Variants in ARHGEF40 observed in about 807,000 individuals in gnomAD.
The protein encoded by ARHGEF40 is Rho guanine nucleotide exchange factor (GEF) 40.
Under a neutral mutation model 165.9 loss-of-function variants are expected in ARHGEF40, and 98 were observed. The observed-to-expected ratio is 0.59, with a 90% CI of 0.50 to 0.70. The LOEUF (loss-of-function observed/expected upper bound fraction) is 0.70, where lower values mean the gene tolerates loss of function less well. Among genes scored for constraint, ARHGEF40 ranks in the 30% least tolerant of loss-of-function variants. The probability of loss-of-function intolerance (pLI) is 0.00; values close to 1 mark genes in which losing one functional copy is unlikely to be tolerated. For missense variants in ARHGEF40, 1,815 were observed against 1,968.0 expected (o/e 0.92, Z 1.47); for synonymous variants, 792 against 814.3 (o/e 0.97, Z 0.47).
Position 21,078,927 on chromosome 14 carries a change from G to T in ARHGEF40, c.2290G>T (p.Glu764Ter). Residue 764 changes from glutamate (E) to a stop codon, truncating the protein, a stop_gained, in exon 11 of 24, where the codon GAG (glutamate) becomes TAG (stop). Coordinates refer to ENST00000298694, the MANE Select transcript of ARHGEF40 (RefSeq NM_018071.5). LOFTEE classifies it high-confidence loss of function. Reference sequence around the variant, plus strand: ...AGCTACACTGTATCAGGAAGTGGACGAGGCCATTCACCAGCTTGTGCGCCT... The same window carrying T: ...AGCTACACTGTATCAGGAAGTGGACTAGGCCATTCACCAGCTTGTGCGCCT... ...GPATLYQEVD[E>*]AIHQLVRLSN... The T allele has an allele frequency of 6.2e-7, 1 of 1,614,166 alleles. No individual in the cohort carries two copies. The highest frequency in any genetic ancestry group is 8.5e-7 in the Non-Finnish European group (1 of 1,180,002).
At position 21,070,705 on chromosome 14, in the gene ARHGEF40, C is replaced by T. The variant is rs1408623830; in HGVS notation, c.3+306C>T. The T allele has an allele frequency of 2.6e-6, 3 of 1,164,358 alleles. No homozygotes were observed. Among genetic ancestry groups the T allele is most frequent in the Admixed American group, 4.2e-5 (2 of 47,480 alleles). 72.1% of individuals were successfully genotyped at this position (1,164,358 alleles called of 1,614,324 possible). A position where few individuals can be genotyped will look rare whatever the true frequency, so the allele number is the denominator to read the frequency against. The stretch of plus-strand genomic sequence containing the variant: ...CCGCCCTCCTCTGTCCTGACCTGTG[C>T]CTTCCTTTCCTGGAGCTTCCCTCCC... On this transcript the variant is annotated intron_variant, in intron 1 of 23. Coordinates refer to ENST00000298694, the MANE Select transcript of ARHGEF40 (RefSeq NM_018071.5). The surrounding 1 kb of genome is among the most constrained non-coding windows in gnomAD (Gnocchi z 4.7).
upstream of ARHGEF40, among the ~76,000 whole-genome samples, chr14:21,066,694 G>T (rs1886287518): frequency 6.6e-6 from 1 of 152,220 alleles, no homozygotes; most frequent in South Asian, 2.1e-4. Flanking sequence ...TTATCAGAAG[G>T]TAAGAGTGGA....
upstream of ARHGEF40, chr14:21,070,249 G>A (rs1367268678): frequency 4.7e-6 from 4 of 850,678 alleles, no homozygotes; most frequent in African/African-American, 3.6e-5. This position sits in a 1 kb window ranked among gnomAD's most constrained non-coding sequence, Gnocchi z 4.7. Context: ...GGGCCCCGCG[G>A]CCTGGAAGCC....
At position 21,074,231 on chromosome 14, in the gene ARHGEF40, G is replaced by C. The variant is rs114395675; in HGVS notation, c.501G>C (p.Leu167=). The change falls in exon 3 of 24, where the codon CTG becomes CTC. Residue 167 remains leucine, a synonymous_variant. Transcript: ENST00000298694. The surrounding 1 kb of genome is among the most constrained non-coding windows in gnomAD (Gnocchi z 4.8). The part of the protein sequence containing the change: ...RPTGRLSTCL[L]SAPSGIQRLP... ...CAGGTCGCCTCAGTACCTGCCTACT[G>C]TCTGCGCCCTCTGGGATTCAGCGGC... is the stretch of plus-strand genomic sequence containing the variant. 8 of 1,614,052 alleles carry C rather than the reference G, an allele frequency of 5.0e-6. No individual in the cohort carries two copies. In the African/African-American group the frequency reaches 6.7e-5, roughly 13 times the overall value.
intron 11 of ARHGEF40, 95 bp downstream of exon 11, chr14:21,079,105 G>T (rs1406678812): frequency 9.5e-6 from 14 of 1,479,716 alleles, no homozygotes; most frequent in Non-Finnish European, 1.2e-5. Flanking sequence ...TGTTCTTCTA[G>T]CCTGGCTTGG....
At chr14:21,086,680 T>G (rs78542608) in intron 19 of ARHGEF40, 3,231 of 271,304 alleles carry the variant, frequency 0.012, 116 homozygotes, top group African/African-American at 0.066. Context: ...TGTAAAAATG[T>G]GAGGGTTTGT....
At chr14:21,076,985 AGGTTGC>A in intron 8 of ARHGEF40, 95 bp downstream of exon 8, 1 of 1,089,974 alleles carries the variant, frequency 9.2e-7, no homozygotes, top group Admixed American at 2.2e-5. Flanking sequence ...ACATACCATG[AGGTTGC>A]AAAAAAGTGG....
intron 19 of ARHGEF40, chr14:21,086,067 A>C (rs1388925671): frequency 2.9e-6 from 2 of 679,042 alleles, no homozygotes; most frequent in Admixed American, 6.5e-5. Context: ...AAAGCTGGCA[A>C]ATTTCCGGGA....
chr14:21,065,172 A>AG, the ARHGEF40 span, among the ~76,000 whole-genome samples: 92 of 151,328 alleles, frequency 6.1e-4, 5 homozygotes, highest in Admixed American at 6.6e-5. Flanking sequence ...TCCATCTCAA[A>AG]AAAAAAAAAA....
chr14:21,076,444 G>A lies in ARHGEF40; in HGVS notation c.1824G>A (p.Leu608=), dbSNP rs752735278. The change falls in exon 6 of 24, where the codon TTG becomes TTA. Residue 608 remains leucine, a synonymous_variant. Transcript: ENST00000298694. ...PPLPPALIPA[L]SQLQDSGDPP... ...TGCCTCCAGCACTCATTCCTGCCTT[G>A]AGCCAACTTCAGGTAACCACCCCTC... 1.9e-6 allele frequency: 3 copies of A among 1,613,950 alleles called. No homozygotes were observed. The highest frequency in any genetic ancestry group is 2.5e-6 in the Non-Finnish European group (3 of 1,180,036).
rs57930645 is a variant in ARHGEF40, at chr14:21,081,600, C to T, written c.2732C>T (p.Ala911Val). The change falls in exon 14 of 24, where the codon GCC becomes GTC. Residue 911 changes from alanine (A) to valine (V), a missense_variant. Ala to Val is a moderately conservative substitution (Grantham distance 64, BLOSUM62 0). Coordinates refer to ENST00000298694, the MANE Select transcript of ARHGEF40 (RefSeq NM_018071.5). ...CTGGCTGCACTGGCCCTGCGGCGGG[C>T]CCCAGAGCCCAGTGCCGGCACCTTC... ...AVLAALALRRAPEPSAGTFQE... is the reference protein window; with the variant it reads ...AVLAALALRRVPEPSAGTFQE... 1.2e-6 allele frequency: 2 copies of T among 1,611,068 alleles called. No homozygotes were observed. Among genetic ancestry groups the T allele is most frequent in the East Asian group, 4.5e-5 (2 of 44,860 alleles).
Position 21,075,087 on chromosome 14 carries a change from G to T in ARHGEF40, c.1357G>T (p.Glu453Ter). The change falls in exon 3 of 24, where the codon GAG becomes TAG. Residue 453 changes from glutamate (E) to a stop codon, truncating the protein, a stop_gained. Transcript: ENST00000298694. LOFTEE classifies it high-confidence loss of function. This position sits in a 1 kb window ranked among gnomAD's most constrained non-coding sequence, Gnocchi z 4.5. Reference sequence around the variant, plus strand: ...GCCAAAAGAGCTCAAAACAGCAGGCGAGAAAGAGCCTCAGCTCTCTGAAGC... The same window carrying T: ...GCCAAAAGAGCTCAAAACAGCAGGCTAGAAAGAGCCTCAGCTCTCTGAAGC... ...SEPKELKTAG[E>*]KEPQLSEACG... The T allele has an allele frequency of 6.2e-7, 1 of 1,614,088 alleles. No individual in the cohort carries two copies. Among genetic ancestry groups the T allele is most frequent in the Non-Finnish European group, 8.5e-7 (1 of 1,180,034 alleles).
At position 21,070,448 on chromosome 14, in the gene ARHGEF40, C is replaced by T; in HGVS notation, c.3+49C>T. The T allele has an allele frequency of 7.3e-7, 1 of 1,360,654 alleles. No homozygotes were observed. Among genetic ancestry groups the T allele is most frequent in the Non-Finnish European group, 9.4e-7 (1 of 1,063,370 alleles). 84.3% of individuals were successfully genotyped at this position (1,360,654 alleles called of 1,614,324 possible). A position where few individuals can be genotyped will look rare whatever the true frequency, so the allele number is the denominator to read the frequency against. ...TGGGTCCCCTCGGCCTTCGCGCAGC[C>T]CGCTCCGGGCCCCCAAGTCCTCAGC... On this transcript the variant is annotated intron_variant, in intron 1 of 23. Coordinates refer to ENST00000298694, the MANE Select transcript of ARHGEF40 (RefSeq NM_018071.5). The surrounding 1 kb of genome is among the most constrained non-coding windows in gnomAD (Gnocchi z 4.7).
chr14:21,087,296 C>A (rs1888421556), intron 20 of ARHGEF40, 24 bp from the exon 21 acceptor site: 1 of 1,598,288 alleles, frequency 6.3e-7, no homozygotes, highest in Non-Finnish European at 8.5e-7. Flanking sequence ...CAGCACCCCA[C>A]CCCCCACTCC....
chr14:21,087,141 G>A (rs756489881), intron 20 of ARHGEF40, 36 bp downstream of exon 20: 11 of 1,603,002 alleles, frequency 6.9e-6, no homozygotes, highest in Admixed American at 5.1e-5. Context: ...GCCCCCAGGA[G>A]TGAAGACCTT....
chr14:21,070,338 G>A lies in ARHGEF40; in HGVS notation c.-59G>A. On this transcript the variant is annotated 5_prime_UTR_variant, in exon 1 of 24. Transcript: ENST00000298694. The surrounding 1 kb of genome is among the most constrained non-coding windows in gnomAD (Gnocchi z 4.7). ...GAGACACGAGCGGCGGGAGGGAGGCGGTGGCGCGCCCGGCCCCGCCCGCCC... is the reference window on the plus strand; with the variant it reads ...GAGACACGAGCGGCGGGAGGGAGGCAGTGGCGCGCCCGGCCCCGCCCGCCC... The A allele has an allele frequency of 1.4e-6, 2 of 1,400,278 alleles. No individual in the cohort carries two copies. The highest frequency in any genetic ancestry group is 3.1e-5 in the East Asian group (1 of 32,158). The allele number at this position is 1,400,278 out of a possible 1,614,324, so 86.7% of individuals were successfully genotyped here.
rs557530015 is a variant in ARHGEF40 at position 21,088,949 on chromosome 14, C to T, written c.*6-65C>T. The T allele has an allele frequency of 7.1e-5, 106 of 1,488,030 alleles. 2 individuals carry two copies. The highest frequency in any genetic ancestry group is 7.1e-4 in the South Asian group (61 of 85,634). 92.2% of individuals were successfully genotyped at this position (1,488,030 alleles called of 1,614,324 possible). A position where few individuals can be genotyped will look rare whatever the true frequency, so the allele number is the denominator to read the frequency against. On this transcript the variant is annotated intron_variant, in intron 23 of 23. Transcript: ENST00000298694. ...TTGCATGTACCTTCCTTCCTGTCCC[C>T]GGCTACTTGGGAGTCAGCTTCTTCC...
In ARHGEF40 at chr14:21,070,436, C is replaced by G; in HGVS notation, c.3+37C>G. The G allele has an allele frequency of 1.4e-6, 2 of 1,380,070 alleles. No individual in the cohort carries two copies. The highest frequency in any genetic ancestry group is 1.9e-6 in the Non-Finnish European group (2 of 1,074,242). The allele number at this position is 1,380,070 out of a possible 1,614,324, so 85.5% of individuals were successfully genotyped here. A position where few individuals can be genotyped will look rare whatever the true frequency, so the allele number is the denominator to read the frequency against. On this transcript the variant is annotated intron_variant, in intron 1 of 23. Transcript: ENST00000298694. The surrounding 1 kb of genome is among the most constrained non-coding windows in gnomAD (Gnocchi z 4.7). ...GTCGCAGCCCCCTGGGTCCCCTCGG[C>G]CTTCGCGCAGCCCGCTCCGGGCCCC...
chr14:21,084,331 C>T (rs955442424), intron 17 of ARHGEF40, among the ~76,000 whole-genome samples: 2 of 152,238 alleles, frequency 1.3e-5, no homozygotes. Context: ...CTACCCCATA[C>T]TTCCTCCTGC....
Sources: gnomAD v4.1 joint callset for allele counts (sites outside exome capture counted in the v4.1 genomes callset) on GRCh38, gnomAD v4.1.1 for gene constraint, Gnocchi (gnomAD v3.1) non-coding constraint, MANE v1.5 for transcripts, NCBI Gene and HGNC (gene_info 2026-07-23, HGNC 2026-07-21) for gene names.